UBALD2: variants seen among roughly 807,000 people sequenced by gnomAD.
The protein encoded by UBALD2 is UBA like domain containing 2.
UBALD2 carries 8 observed loss-of-function variants against 15.9 expected under a neutral mutation model. The ratio of observed to expected loss-of-function variants is 0.50; its 90% CI spans 0.29 to 0.91. The LOEUF (loss-of-function observed/expected upper bound fraction) is 0.91, where lower values mean the gene tolerates loss of function less well. UBALD2 is among the 40% of genes least tolerant of loss of function. The pLI is 0.07. For missense variants in UBALD2, 178 were observed against 234.8 expected, an observed-to-expected ratio of 0.76 and a Z score of 1.58; for synonymous variants, 113 against 97.7, an observed-to-expected ratio of 1.16 and a Z score of -0.93.
Position 76,265,568 on chromosome 17 carries a change from G to A in UBALD2, c.63G>A (p.Ala21=), listed in dbSNP as rs143586386. The A allele has an allele frequency of 2.2e-6, 3 of 1,339,780 alleles. No homozygotes were observed. The highest frequency in any genetic ancestry group is 2.9e-5 in the South Asian group (2 of 68,404). The allele number at this position is 1,339,780 out of a possible 1,614,324, so 83.0% of individuals were successfully genotyped here. The change falls in exon 1 of 3, where the codon GCG becomes GCA. Residue 21 remains alanine (A), a synonymous_variant. Coordinates refer to ENST00000327490, the MANE Select transcript of UBALD2 (RefSeq NM_182565.4). The part of the protein sequence containing the change: ...QVMINQFVLA[A]GCAADQAKQL... ...TGATCAACCAGTTCGTGCTGGCCGC[G>A]GGCTGCGCGGCCGACCAGGCGAAGC...
chr17:76,267,056 A>G (rs952598831), intron 2 of UBALD2, among the ~76,000 whole-genome samples: 1 of 152,196 alleles, frequency 6.6e-6, no homozygotes, highest in Non-Finnish European at 1.5e-5. Flanking sequence ...TGCTGGCCAC[A>G]GGGCTCTTAG....
In UBALD2 at chr17:76,265,560, C is replaced by A; in HGVS notation, c.55C>A (p.Leu19Met). 7.5e-7 allele frequency: 1 copy of A among 1,339,574 alleles called. No homozygotes were observed. Among genetic ancestry groups the A allele is most frequent in the Non-Finnish European group, 9.8e-7 (1 of 1,021,576 alleles). The allele number at this position is 1,339,574 out of a possible 1,614,324, so 83.0% of individuals were successfully genotyped here. A position where few individuals can be genotyped will look rare whatever the true frequency, so the allele number is the denominator to read the frequency against. Residue 19 changes from leucine (L) to methionine (M), a missense_variant, in exon 1 of 3, where the codon CTG becomes ATG. Physicochemically the swap from Leu to Met is conservative, Grantham distance 15. Transcript: ENST00000327490. Reference sequence around the variant, plus strand: ...CCAGGTCATGATCAACCAGTTCGTGCTGGCCGCGGGCTGCGCGGCCGACCA... The same window carrying A: ...CCAGGTCATGATCAACCAGTTCGTGATGGCCGCGGGCTGCGCGGCCGACCA... ...RHQVMINQFV[L>M]AAGCAADQAK...
At chr17:76,265,769 C>T (rs1446864252) in intron 1 of UBALD2, 138 bp from the exon 2 acceptor site, 3 of 1,379,956 alleles carry the variant, frequency 2.2e-6, no homozygotes, top group African/African-American at 3.1e-5. Flanking sequence ...CCGGGACCGG[C>T]TCCCCTCTGC....
chr17:76,270,170 CCA>C, intron 2 of UBALD2, 22 bp from the exon 3 acceptor site: 1 of 1,609,580 alleles, frequency 6.2e-7, no homozygotes, highest in Non-Finnish European at 8.5e-7. Context: ...GGCAGCCTCC[CCA>C]CACCCGTGTT....
chr17:76,268,305 C>T (rs2070559300), intron 2 of UBALD2, among the ~76,000 whole-genome samples: 3 of 152,244 alleles, frequency 2.0e-5, no homozygotes, highest in African/African-American at 7.2e-5. Context: ...CAAGCTTACA[C>T]AGGCAGGCCA....
At chr17:76,265,849 G>A in intron 1 of UBALD2, 58 bp from the exon 2 acceptor site, 1 of 1,555,176 alleles carries the variant, frequency 6.4e-7, no homozygotes, top group African/African-American at 1.4e-5. Context: ...GGGGGGCCCA[G>A]CCGCTGCGTT....
Position 76,265,584 on chromosome 17 carries a change from C to A in UBALD2, c.79C>A (p.Gln27Lys). 7.5e-7 allele frequency: 1 copy of A among 1,337,492 alleles called. No individual in the cohort carries two copies. The highest frequency in any genetic ancestry group is 9.8e-7 in the Non-Finnish European group (1 of 1,020,736). 82.9% of individuals were successfully genotyped at this position (1,337,492 alleles called of 1,614,324 possible). A position where few individuals can be genotyped will look rare whatever the true frequency, so the allele number is the denominator to read the frequency against. The change falls in exon 1 of 3, where the codon CAG becomes AAG. Residue 27 changes from glutamine to lysine, a missense_variant. By Grantham distance (53) the Gln-to-Lys change is moderately conservative. Transcript: ENST00000327490. The part of the protein sequence containing the change: ...FVLAAGCAAD[Q>K]AKQLLQAAHW... ...GCTGGCCGCGGGCTGCGCGGCCGACCAGGCGAAGCAGTTGCTGCAGGCGGC... is the reference window on the plus strand; with the variant it reads ...GCTGGCCGCGGGCTGCGCGGCCGACAAGGCGAAGCAGTTGCTGCAGGCGGC...
Position 76,265,746 on chromosome 17 carries a change from C to G in UBALD2, c.120+121C>G, listed in dbSNP as rs868798840. ...GATCGGCGCCCGCGAGCGGGTCTTA[C>G]GCGGGACCGGGGCCGGGACCGGCTC... On this transcript the variant is annotated intron_variant, in intron 1 of 2. Transcript: ENST00000327490. 38 of 1,326,500 alleles carry G rather than the reference C, an allele frequency of 2.9e-5. 1 individual carries two copies. In the Middle Eastern group the frequency reaches 8.3e-4, roughly 29 times the overall value. 82.2% of individuals were successfully genotyped at this position (1,326,500 alleles called of 1,614,324 possible).
intron 1 of UBALD2, 26 bp downstream of exon 1, chr17:76,265,651 G>T: frequency 8.7e-7 from 1 of 1,142,864 alleles, no homozygotes; most frequent in Non-Finnish European, 1.1e-6. Context: ...CCGCGGGGCC[G>T]GGCCGCGGGG....
Position 76,270,588 on chromosome 17 carries a change from CG to C in UBALD2, c.*87del. On this transcript the variant is annotated 3_prime_UTR_variant, in exon 3 of 3. Coordinates refer to ENST00000327490, the MANE Select transcript of UBALD2 (RefSeq NM_182565.4). ...ACAGGAGGGCCAGGGAGGGGGGAGC[CG>C]GGGAGGGCAGGGGGTTTCCCGAAGA... 9.7e-7 allele frequency: 1 copy of C among 1,031,456 alleles called. No homozygotes were observed. The highest frequency in any genetic ancestry group is 1.3e-6 in the Non-Finnish European group (1 of 759,046). The allele number at this position is 1,031,456 out of a possible 1,614,324, so 63.9% of individuals were successfully genotyped here. A position where few individuals can be genotyped will look rare whatever the true frequency, so the allele number is the denominator to read the frequency against.
In UBALD2 at chr17:76,265,963, C is replaced by T; in HGVS notation, c.177C>T (p.His59=). 6.3e-7 allele frequency: 1 copy of T among 1,589,982 alleles called. No individual in the cohort carries two copies. The highest frequency in any genetic ancestry group is 1.1e-5 in the South Asian group (1 of 87,936). Residue 59 remains histidine, a synonymous_variant, in exon 2 of 3, where the codon CAC becomes CAT. Transcript: ENST00000327490. ...ACATTCCCAACAGCCACCACCACCA[C>T]CAGATGGTAAGCGGCGGCGGGCAGG... is the stretch of plus-strand genomic sequence containing the variant. ...ETNIPNSHHH[H]QMMCTPSNTP... is the part of the protein sequence containing the mutation.
At chr17:76,270,108 A>G in intron 2 of UBALD2, 86 bp from the exon 3 acceptor site, 2 of 1,390,852 alleles carry the variant, frequency 1.4e-6, no homozygotes, top group Non-Finnish European at 2.0e-6. Flanking sequence ...AAATGGGAGT[A>G]AAGGAGCGGC....
chr17:76,268,368 G>T (rs373157364), intron 2 of UBALD2, among the ~76,000 whole-genome samples: 79 of 152,376 alleles, frequency 5.2e-4, no homozygotes, highest in African/African-American at 1.8e-3. Flanking sequence ...TGTTTGAGGA[G>T]ACAGGCCTCG....
Position 76,270,653 on chromosome 17 carries a change from G to C in UBALD2, c.*148G>C. ...TTTTATAAAAGAATTTTTGTGGGTC[G>C]GGGGGACAGTAAACTTCCTGGGCCA... On this transcript the variant is annotated 3_prime_UTR_variant, in exon 3 of 3. Coordinates refer to ENST00000327490, the MANE Select transcript of UBALD2 (RefSeq NM_182565.4). The C allele has an allele frequency of 1.3e-6, 1 of 773,824 alleles. No individual in the cohort carries two copies. Among genetic ancestry groups the C allele is most frequent in the Non-Finnish European group, 1.9e-6 (1 of 531,144 alleles). 47.9% of individuals were successfully genotyped at this position (773,824 alleles called of 1,614,324 possible). A position where few individuals can be genotyped will look rare whatever the true frequency, so the allele number is the denominator to read the frequency against.
chr17:76,265,730 C>T lies in UBALD2; in HGVS notation c.120+105C>T, dbSNP rs540289631. 3.4e-5 allele frequency: 44 copies of T among 1,286,038 alleles called. No individual in the cohort carries two copies. In the African/African-American group the frequency reaches 7.0e-4, roughly 20 times the overall value. The allele number at this position is 1,286,038 out of a possible 1,614,324, so 79.7% of individuals were successfully genotyped here. ...TGTCGGCCCGGAAGGCGATCGGCGC[C>T]CGCGAGCGGGTCTTACGCGGGACCG... On this transcript the variant is annotated intron_variant, in intron 1 of 2. Transcript: ENST00000327490.
In UBALD2 at chr17:76,270,283, G is replaced by A; in HGVS notation, c.273G>A (p.Leu91=). Reference sequence around the variant, plus strand: ...CCAAGCTCCGCGCCTCCGAGGGCCTGCAGAGCAGCAACAGCCCCATGACAG... The same window carrying A: ...CCAAGCTCCGCGCCTCCGAGGGCCTACAGAGCAGCAACAGCCCCATGACAG... The part of the protein sequence containing the change: ...MFSKLRASEG[L]QSSNSPMTAA... Residue 91 remains leucine, a synonymous_variant, in exon 3 of 3, where the codon CTG becomes CTA. Coordinates refer to ENST00000327490, the MANE Select transcript of UBALD2 (RefSeq NM_182565.4). The A allele has an allele frequency of 1.2e-6, 2 of 1,611,584 alleles. No homozygotes were observed. Among genetic ancestry groups the A allele is most frequent in the Non-Finnish European group, 8.5e-7 (1 of 1,179,848 alleles).
chr17:76,270,714 CCT>C lies in UBALD2; in HGVS notation c.*212_*213del. 4.2e-6 allele frequency: 2 copies of C among 478,824 alleles called. No individual in the cohort carries two copies. Among genetic ancestry groups the C allele is most frequent in the Non-Finnish European group, 7.3e-6 (2 of 275,698 alleles). 29.7% of individuals were successfully genotyped at this position (478,824 alleles called of 1,614,324 possible). On this transcript the variant is annotated 3_prime_UTR_variant, in exon 3 of 3. Coordinates refer to ENST00000327490, the MANE Select transcript of UBALD2 (RefSeq NM_182565.4). ...TCAGGAGTTTTTCAGGCAAGTTTTT[CCT>C]CTGTTTTTAATATATAACTATAATA...
At chr17:76,265,786 G>T (rs2070540334) in intron 1 of UBALD2, 121 bp from the exon 2 acceptor site, 1 of 1,432,604 alleles carries the variant, frequency 7.0e-7, no homozygotes, top group South Asian at 1.3e-5. Context: ...CTGCACGTGG[G>T]GCAGCCGAGG....
chr17:76,268,646 G>A (rs1048011757), intron 2 of UBALD2, among the ~76,000 whole-genome samples: 9 of 151,986 alleles, frequency 5.9e-5, no homozygotes, highest in African/African-American at 2.2e-4. Flanking sequence ...GGGGCTCAAT[G>A]GACAGGGTGT....
Sources: gnomAD v4.1 joint callset for allele counts (sites outside exome capture counted in the v4.1 genomes callset) on GRCh38, gnomAD v4.1.1 for gene constraint, MANE v1.5 for transcripts, NCBI Gene and HGNC (gene_info 2026-07-23, HGNC 2026-07-21) for gene names.